Variants in QSOX1 observed in about 807,000 individuals in gnomAD.
The protein encoded by QSOX1 is quiescin sulfhydryl oxidase 1, also known as sulfhydryl oxidase 1.
A neutral mutation model predicts 76.1 loss-of-function variants in QSOX1; 40 were observed. The observed-to-expected ratio is 0.53, with a 90% CI of 0.41 to 0.68. The LOEUF is 0.68. Among genes scored for constraint, QSOX1 ranks in the 30% least tolerant of loss-of-function variants. The pLI is 0.00. For synonymous variants in QSOX1, 392 were observed against 413.1 expected, an observed-to-expected ratio of 0.95 and a Z score of 0.62; for missense variants, 931 against 974.3, an observed-to-expected ratio of 0.96 and a Z score of 0.59.
chr1:180,174,673 T>C lies in QSOX1; in HGVS notation c.367-648T>C, dbSNP rs529764328. Among the ~76,000 whole-genome samples, 3 of 152,286 alleles carry C rather than the reference T, an allele frequency of 2.0e-5. No individual in the cohort carries two copies. The East Asian group carries it at 5.8e-4, about 29-fold the overall frequency. On this transcript the variant is annotated intron_variant, in intron 2 of 11. Coordinates refer to ENST00000367602, the MANE Select transcript of QSOX1 (RefSeq NM_002826.5). ...GGTACTTCATCACTCATCCATTCGA[T>C]AAATATTGGTTAGTAATTACATGCT...
At chr1:180,175,437 T>C (rs868808529) in intron 3 of QSOX1, 71 bp downstream of exon 3, 13 of 1,533,540 alleles carry the variant, frequency 8.5e-6, no homozygotes, top group South Asian at 3.4e-5. Context: ...TGGGTTTCTA[T>C]TGGGGTGGAG....
At chr1:180,166,349 A>G in intron 1 of QSOX1, 142 bp from the exon 2 acceptor site, 1 of 647,980 alleles carries the variant, frequency 1.5e-6, no homozygotes, top group South Asian at 1.8e-5. Context: ...TCCTTTTCCA[A>G]GGAAGGTGTG....
intron 2 of QSOX1, among the ~76,000 whole-genome samples, chr1:180,172,930 A>G (rs1447228999): frequency 2.0e-5 from 3 of 152,178 alleles, no homozygotes; most frequent in East Asian, 3.8e-4. Context: ...ATTACTTTTC[A>G]GAGGTGAAAA....
Position 180,176,016 on chromosome 1 carries a change from C to T in QSOX1, c.498C>T (p.Pro166=). The T allele has an allele frequency of 4.4e-6, 7 of 1,596,140 alleles. No individual in the cohort carries two copies. Among genetic ancestry groups the T allele is most frequent in the Non-Finnish European group, 5.1e-6 (6 of 1,171,862 alleles). ...SHHDTWPPAC[P]PLEPAKLEEI... is the part of the protein sequence containing the mutation. ...ATGACACGTGGCCCCCAGCCTGTCCCCCACTGGAGCCTGCCAAGTACTTTG... is the reference window on the plus strand; with the variant it reads ...ATGACACGTGGCCCCCAGCCTGTCCTCCACTGGAGCCTGCCAAGTACTTTG... The change falls in exon 4 of 12, where the codon CCC becomes CCT. Residue 166 remains proline (P), a synonymous_variant. Coordinates refer to ENST00000367602, the MANE Select transcript of QSOX1 (RefSeq NM_002826.5).
chr1:180,166,644 A>ATAAGGGAAAGGGACCATGTGGGATGTGTC (rs1662637488), intron 2 of QSOX1, 53 bp downstream of exon 2: 2 of 1,515,244 alleles, frequency 1.3e-6, no homozygotes, highest in Non-Finnish European at 1.8e-6. Flanking sequence ...GTTTCCCTTT[A>ATAAGGGAAAGGGACCATGTGGGATGTGTC]TAAGGGAAAG....
At chr1:180,188,336 C>T (rs1477107333) in intron 8 of QSOX1, among the ~76,000 whole-genome samples, 1 of 152,256 alleles carries the variant, frequency 6.6e-6, no homozygotes, top group Non-Finnish European at 1.5e-5. Flanking sequence ...CCTGTGCTCC[C>T]TCCTGTGAGC....
At chr1:180,166,786 C>T (rs1420517061) in intron 2 of QSOX1, among the ~76,000 whole-genome samples, 195 bp downstream of exon 2, 6 of 152,232 alleles carry the variant, frequency 3.9e-5, no homozygotes, top group Non-Finnish European at 5.9e-5. Flanking sequence ...TCTTGACCTC[C>T]AAGCCTTAAG....
chr1:180,189,464 T>C (rs1034494920), intron 8 of QSOX1, 88 bp from the exon 9 acceptor site: 13 of 288,524 alleles, frequency 4.5e-5, no homozygotes, highest in African/African-American at 2.1e-4. Flanking sequence ...CCCCCCGCCT[T>C]CTTCTGCATA....
chr1:180,197,363 G>A lies in QSOX1; in HGVS notation c.*326G>A. Reference sequence around the variant, plus strand: ...TTGAAGTCCTGCCTCATTCTCACTGGAGCCTCAGTCTCTCCTGCTTGGTCT... The same window carrying A: ...TTGAAGTCCTGCCTCATTCTCACTGAAGCCTCAGTCTCTCCTGCTTGGTCT... On this transcript the variant is annotated 3_prime_UTR_variant, in exon 12 of 12. Coordinates refer to ENST00000367602, the MANE Select transcript of QSOX1 (RefSeq NM_002826.5). The A allele has an allele frequency of 6.2e-7, 1 of 1,613,854 alleles. No homozygotes were observed. The highest frequency in any genetic ancestry group is 1.3e-5 in the African/African-American group (1 of 75,000).
chr1:180,186,108 G>T lies in QSOX1; in HGVS notation c.943G>T (p.Glu315Ter), dbSNP rs759457357. The T allele has an allele frequency of 1.2e-6, 2 of 1,614,252 alleles. No homozygotes were observed. Among genetic ancestry groups the T allele is most frequent in the African/African-American group, 2.7e-5 (2 of 75,074 alleles). ...TGCACTGCACTACATCCTGCGGATAGAAGTGGGCAGGTTCCCGGTCCTGGA... is the reference window on the plus strand; with the variant it reads ...TGCACTGCACTACATCCTGCGGATATAAGTGGGCAGGTTCCCGGTCCTGGA... ...ESALHYILRIEVGRFPVLEGQ... is the reference protein window; with the variant it reads ...ESALHYILRI Residue 315 changes from glutamate (E) to a stop codon, truncating the protein, a stop_gained, in exon 8 of 12, where the codon GAA becomes TAA. Coordinates refer to ENST00000367602, the MANE Select transcript of QSOX1 (RefSeq NM_002826.5). LOFTEE classifies it high-confidence loss of function.
intron 1 of QSOX1, among the ~76,000 whole-genome samples, chr1:180,161,175 AAAAT>A (rs1662486904): frequency 6.6e-6 from 1 of 152,210 alleles, no homozygotes. Context: ...AAAATAAAAT[AAAAT>A]AAATAAAATA....
At chr1:180,182,404 A>G in intron 6 of QSOX1, 85 bp downstream of exon 6, 1 of 1,528,162 alleles carries the variant, frequency 6.5e-7, no homozygotes, top group African/African-American at 1.4e-5. Context: ...CCCGCCTTTC[A>G]CAGTGGCCAA....
intron 2 of QSOX1, 110 bp downstream of exon 2, chr1:180,166,701 T>A: frequency 1.8e-6 from 2 of 1,091,464 alleles, no homozygotes; most frequent in Non-Finnish European, 2.7e-6. Flanking sequence ...GCTGCTCTGA[T>A]TTGAGCTGGG....
chr1:180,186,756 G>A (rs1663184331), intron 8 of QSOX1, among the ~76,000 whole-genome samples: 1 of 152,250 alleles, frequency 6.6e-6, no homozygotes, highest in African/African-American at 2.4e-5. Flanking sequence ...TCTGCGAGGT[G>A]GGTGGTTTAT....
rs1663618219 is a variant in QSOX1 at position 180,200,688 on chromosome 1, T to A, written c.*3651T>A. On this transcript the variant is annotated 3_prime_UTR_variant, in exon 12 of 12. Transcript: ENST00000367602. ...TTAAGAAACATCCTATCCCCTTTAC[T>A]CCCACCAAAATAAATACATTTGCCC... 1 of 152,192 alleles carries A rather than the reference T, an allele frequency of 6.6e-6. No homozygotes were observed. Among genetic ancestry groups the A allele is most frequent in the South Asian group, 2.1e-4 (1 of 4,838 alleles). 9.4% of individuals were successfully genotyped at this position (152,192 alleles called of 1,614,324 possible).
intron 5 of QSOX1, among the ~76,000 whole-genome samples, chr1:180,181,595 G>A (rs554735714): frequency 2.0e-5 from 3 of 152,196 alleles, no homozygotes; most frequent in East Asian, 1.9e-4. Flanking sequence ...GTATTTGAAC[G>A]CAATAAAATC....
intron 1 of QSOX1, among the ~76,000 whole-genome samples, chr1:180,163,971 G>A (rs946057996): frequency 2.6e-5 from 4 of 152,186 alleles, no homozygotes; most frequent in African/African-American, 9.7e-5. Context: ...TAGGTTGGAG[G>A]TGAGGTCAGT....
At position 180,190,839 on chromosome 1, in the gene QSOX1, G is replaced by A. The variant is rs545148370; in HGVS notation, c.1288+259G>A. ...CTGTTTTCGGCCCCGGGAGCTCTGG[G>A]GCTGAGGCTTCTCCCTGTCTTTCTC... On this transcript the variant is annotated intron_variant, in intron 10 of 11. Coordinates refer to ENST00000367602, the MANE Select transcript of QSOX1 (RefSeq NM_002826.5). Among the ~76,000 whole-genome samples the A allele has an allele frequency of 4.6e-5, 7 of 152,226 alleles. No homozygotes were observed. In the East Asian group the frequency reaches 1.4e-3, roughly 29 times the overall value.
chr1:180,169,680 G>A (rs1572041707), intron 2 of QSOX1, among the ~76,000 whole-genome samples: 1 of 152,284 alleles, frequency 6.6e-6, no homozygotes, highest in Non-Finnish European at 1.5e-5. Context: ...GCTGCTGGTA[G>A]CTGGTGTGTG....
Sources: gnomAD v4.1 joint callset for allele counts (sites outside exome capture counted in the v4.1 genomes callset) on GRCh38, gnomAD v4.1.1 for gene constraint, MANE v1.5 for transcripts, NCBI Gene and HGNC (gene_info 2026-07-23, HGNC 2026-07-21) for gene names.